Variants in PDE4D observed in about 807,000 individuals in gnomAD.
PDE4D encodes the protein phosphodiesterase 4D.
A neutral mutation model predicts 87.4 loss-of-function variants in PDE4D; 24 were observed. The ratio of observed to expected loss-of-function variants is 0.27; its 90% CI spans 0.20 to 0.39. The LOEUF (loss-of-function observed/expected upper bound fraction) is 0.39, where lower values mean the gene tolerates loss of function less well. Among genes scored for constraint, PDE4D ranks in the 10% least tolerant of loss-of-function variants. The probability of loss-of-function intolerance (pLI) is 1.00; values close to 1 mark genes in which losing one functional copy is unlikely to be tolerated. For missense variants in PDE4D, 714 were observed against 1,041.0 expected (o/e 0.69, Z 4.32); for synonymous variants, 384 against 383.2 (o/e 1.00, Z -0.02).
At chr5:59,169,025 GTATTAA>G (rs1782335033) in intron 5 of PDE4D, among the ~76,000 whole-genome samples, 1 of 150,988 alleles carries the variant, frequency 6.6e-6, no homozygotes, top group South Asian at 2.2e-4. Context: ...ATTAATATTA[GTATTAA>G]TAATATATCC....
At chr5:59,972,156 A>G (rs888831307) in intron 3 of PDE4D, among the ~76,000 whole-genome samples, 9 of 152,138 alleles carry the variant, frequency 5.9e-5, no homozygotes, top group African/African-American at 9.7e-5. Context: ...CATCAGATTG[A>G]CTACATTGAG....
intron 1 of PDE4D, among the ~76,000 whole-genome samples, chr5:59,456,339 A>C (rs1035571362): frequency 7.2e-5 from 11 of 152,146 alleles, no homozygotes; most frequent in Non-Finnish European, 1.5e-4. Flanking sequence ...GGCTTTAAAA[A>C]TGGGAGTTTC....
chr5:59,261,750 T>C (rs543655450), intron 1 of PDE4D, among the ~76,000 whole-genome samples: 133 of 151,940 alleles, frequency 8.8e-4, no homozygotes, highest in Non-Finnish European at 1.4e-3. Flanking sequence ...GAAAGAAATC[T>C]GTTGGTTTTA....
chr5:59,853,543 TA>T (rs1251299292), intron 1 of PDE4D, among the ~76,000 whole-genome samples: 1 of 152,104 alleles, frequency 6.6e-6, no homozygotes, highest in Non-Finnish European at 1.5e-5. Flanking sequence ...ATTAAAATTT[TA>T]TATTTTCGTC....
chr5:59,912,807 TACCATGATGAACA>T (rs1468985959), intron 3 of PDE4D, among the ~76,000 whole-genome samples: 2 of 152,210 alleles, frequency 1.3e-5, no homozygotes, highest in South Asian at 2.1e-4. Context: ...GTATTTAATG[TACCATGATGAACA>T]ATAACACATA....
intron 1 of PDE4D, among the ~76,000 whole-genome samples, chr5:59,438,658 G>A (rs1797135574): frequency 6.6e-6 from 1 of 152,070 alleles, no homozygotes; most frequent in African/African-American, 2.4e-5. Flanking sequence ...TTCTGGCTCT[G>A]GAACTGCACA....
chr5:60,157,695 A>C (rs1782101699), intron 2 of PDE4D, among the ~76,000 whole-genome samples: 1 of 152,154 alleles, frequency 6.6e-6, no homozygotes. Context: ...TAACTTCTTA[A>C]ACTTCCTAGA....
At chr5:60,399,438 T>C (rs908577357) in intron 1 of PDE4D, among the ~76,000 whole-genome samples, 2 of 152,242 alleles carry the variant, frequency 1.3e-5, no homozygotes, top group South Asian at 2.1e-4. Flanking sequence ...ACCCTTCCTA[T>C]ATTTGATGAA....
At chr5:59,111,466 T>C (rs1207337951) in intron 5 of PDE4D, among the ~76,000 whole-genome samples, 1 of 152,182 alleles carries the variant, frequency 6.6e-6, no homozygotes, top group South Asian at 2.1e-4. Context: ...GCTCTTGAGG[T>C]TATGATTGTT....
chr5:59,923,816 G>A (rs1005674429), intron 3 of PDE4D, among the ~76,000 whole-genome samples: 7 of 152,128 alleles, frequency 4.6e-5, no homozygotes, highest in Admixed American at 2.0e-4. Context: ...ACTCTTCAAC[G>A]CCCAGACACT....
chr5:59,633,163 TA>T (rs1175034966), intron 1 of PDE4D, among the ~76,000 whole-genome samples: 1 of 151,360 alleles, frequency 6.6e-6, no homozygotes, highest in Non-Finnish European at 1.5e-5. Flanking sequence ...CTTAATGAAA[TA>T]AAGCATGAAG....
intron 1 of PDE4D, among the ~76,000 whole-genome samples, chr5:59,300,680 T>G (rs1055798703): frequency 6.6e-6 from 1 of 151,994 alleles, no homozygotes; most frequent in Admixed American, 6.6e-5. Context: ...CATGTGAGGT[T>G]TCCCCCCCAC....
At chr5:59,564,636 A>C (rs1001282658) in intron 1 of PDE4D, among the ~76,000 whole-genome samples, 2 of 152,182 alleles carry the variant, frequency 1.3e-5, no homozygotes, top group African/African-American at 4.8e-5. Flanking sequence ...CCAGAAGAGG[A>C]GAAAACATGA....
intron 2 of PDE4D, among the ~76,000 whole-genome samples, chr5:60,092,050 C>CAAAA (rs66814905): frequency 2.3e-4 from 13 of 56,000 alleles, no homozygotes; most frequent in Non-Finnish European, 3.2e-4. Flanking sequence ...AACTCCGTCT[C>CAAAA]AAAAAAAAAA....
At chr5:59,620,134 A>C (rs116798023) in intron 1 of PDE4D, among the ~76,000 whole-genome samples, 537 of 152,240 alleles carry the variant, frequency 3.5e-3, no homozygotes, top group African/African-American at 0.012. Flanking sequence ...TGTGACCAAG[A>C]GACAGAGTTT....
At chr5:60,371,408 A>C (rs1761018024) in intron 1 of PDE4D, among the ~76,000 whole-genome samples, 1 of 152,118 alleles carries the variant, frequency 6.6e-6, no homozygotes. Context: ...CCCTTTACCC[A>C]ATATAATCGG....
intron 1 of PDE4D, among the ~76,000 whole-genome samples, chr5:59,812,299 A>T (rs1344498071): frequency 1.3e-5 from 2 of 152,224 alleles, no homozygotes; most frequent in Non-Finnish European, 2.9e-5. Flanking sequence ...CATGCCAAAA[A>T]GTTGCATCTG....
At chr5:60,354,756 C>T (rs986708133) in intron 1 of PDE4D, among the ~76,000 whole-genome samples, 2 of 152,054 alleles carry the variant, frequency 1.3e-5, no homozygotes, top group Admixed American at 1.3e-4. Context: ...TAATTGGTCT[C>T]TGGGTTAGTT....
chr5:59,279,415 C>A (rs932312012), intron 1 of PDE4D, among the ~76,000 whole-genome samples: 3 of 151,962 alleles, frequency 2.0e-5, no homozygotes, highest in Non-Finnish European at 4.4e-5. Context: ...CTAGAGGTTT[C>A]TTTTATTTTA....
Sources: gnomAD v4.1 joint callset for allele counts (sites outside exome capture counted in the v4.1 genomes callset) on GRCh38, gnomAD v4.1.1 for gene constraint, MANE v1.5 for transcripts, NCBI Gene and HGNC (gene_info 2026-07-23, HGNC 2026-07-21) for gene names.